RBFOX3: variants seen among roughly 807,000 people sequenced by gnomAD.
RBFOX3 encodes the protein RNA binding fox-1 homolog 3.
A neutral mutation model predicts 48.7 loss-of-function variants in RBFOX3; 17 were observed. That is an observed-to-expected ratio of 0.35 (90% CI 0.24 to 0.52). The LOEUF is 0.52. Ranked by LOEUF, RBFOX3 falls within the 20% of genes least tolerant of loss-of-function variation. The probability of loss-of-function intolerance (pLI) is 0.94; values close to 1 mark genes in which losing one functional copy is unlikely to be tolerated. For synonymous variants in RBFOX3, 212 were observed against 209.5 expected, an observed-to-expected ratio of 1.01 and a Z score of -0.10; for missense variants, 382 against 497.5, an observed-to-expected ratio of 0.77 and a Z score of 2.21.
chr17:79,575,257 G>A (rs1042475546), intron 1 of RBFOX3, among the ~76,000 whole-genome samples: 47 of 152,336 alleles, frequency 3.1e-4, no homozygotes, highest in Middle Eastern at 6.8e-3. Context: ...ATGAAACGCT[G>A]TGAGGGCATG....
chr17:79,365,160 T>C (rs11656604), intron 2 of RBFOX3, among the ~76,000 whole-genome samples: 120,118 of 152,008 alleles, frequency 0.79, 48,456 homozygotes, highest in Non-Finnish European at 0.87. Flanking sequence ...CTCATGCACA[T>C]GCACACGGTA....
At chr17:79,231,291 T>C (rs2061008935) in intron 4 of RBFOX3, among the ~76,000 whole-genome samples, 1 of 152,070 alleles carries the variant, frequency 6.6e-6, no homozygotes, top group Admixed American at 6.5e-5. Flanking sequence ...CCACCCAAGG[T>C]TGAGGCGAGA....
intron 2 of RBFOX3, among the ~76,000 whole-genome samples, chr17:79,384,672 C>T (rs2060342411): frequency 6.6e-6 from 1 of 152,220 alleles, no homozygotes; most frequent in African/African-American, 2.4e-5. Context: ...TCGGGAAGTC[C>T]ACAGACGGCC....
intron 2 of RBFOX3, among the ~76,000 whole-genome samples, chr17:79,334,985 C>A (rs2080971115): frequency 6.6e-6 from 1 of 152,236 alleles, no homozygotes; most frequent in African/African-American, 2.4e-5. Flanking sequence ...TGCCAGGGAA[C>A]CCTCTCTTAC....
intron 6 of RBFOX3, among the ~76,000 whole-genome samples, chr17:79,104,872 C>G (rs1047586390): frequency 6.6e-6 from 1 of 150,990 alleles, no homozygotes; most frequent in East Asian, 2.0e-4. Context: ...CCCAGGCCCC[C>G]GGGACCCTGC....
chr17:79,415,975 T>G (rs1245560608), intron 2 of RBFOX3, among the ~76,000 whole-genome samples: 6 of 152,118 alleles, frequency 3.9e-5, no homozygotes, highest in African/African-American at 1.4e-4. Context: ...CCCTCTCCAC[T>G]GACATGGGCC....
intron 4 of RBFOX3, among the ~76,000 whole-genome samples, chr17:79,174,342 T>C (rs1296274910): frequency 6.9e-6 from 1 of 145,542 alleles, no homozygotes; most frequent in East Asian, 2.1e-4. Context: ...ACGCACACAA[T>C]GCAGCCACAC....
intron 2 of RBFOX3, among the ~76,000 whole-genome samples, chr17:79,445,197 C>T (rs548512849): frequency 7.9e-5 from 12 of 152,272 alleles, no homozygotes; most frequent in Admixed American, 2.6e-4. Flanking sequence ...CTGTGAATGG[C>T]GCTGCTGGGA....
At chr17:79,263,993 CAG>C (rs2066240413) in intron 3 of RBFOX3, among the ~76,000 whole-genome samples, 1 of 151,718 alleles carries the variant, frequency 6.6e-6, no homozygotes, top group African/African-American at 2.4e-5. Context: ...GAACCAGAGG[CAG>C]AGATTGGAGA....
At chr17:79,379,051 T>C (rs2059571122) in intron 2 of RBFOX3, among the ~76,000 whole-genome samples, 2 of 152,262 alleles carry the variant, frequency 1.3e-5, no homozygotes, top group African/African-American at 4.8e-5. Context: ...GATTCTCAAC[T>C]GGGGAAGCTG....
Position 79,392,003 on chromosome 17 carries a change from C to G in RBFOX3, c.-174-84179G>C, listed in dbSNP as rs2061431385. 1.3e-5 allele frequency among the ~76,000 whole-genome samples: 2 copies of G among 152,204 alleles called. No homozygotes were observed. The highest frequency in any genetic ancestry group is 1.3e-4 in the Admixed American group (2 of 15,284). On this transcript the variant is annotated intron_variant, in intron 2 of 14. Coordinates refer to ENST00000693108, the MANE Select transcript of RBFOX3 (RefSeq NM_001350451.2). This position sits in a 1 kb window ranked among gnomAD's most constrained non-coding sequence, Gnocchi z 5.0. ...TATGGCAACGCTCCCGCCAGGGCCC[C>G]GCGATGGTCAGGCTTTCTGCCGTCT... is the stretch of plus-strand genomic sequence containing the variant.
At chr17:79,112,691 G>A (rs1327775114) in intron 5 of RBFOX3, among the ~76,000 whole-genome samples, 2 of 152,074 alleles carry the variant, frequency 1.3e-5, no homozygotes, top group Non-Finnish European at 2.9e-5. Context: ...CCAGTGGGGT[G>A]GGTGATGTGG....
At chr17:79,097,770 G>A in intron 9 of RBFOX3, 25 bp from the exon 10 acceptor site, 1 of 1,550,552 alleles carries the variant, frequency 6.4e-7, no homozygotes, top group South Asian at 1.2e-5. Context: ...CAGAGACCTA[G>A]TCACTGCCTT....
chr17:79,489,926 GGA>G (rs1330105928), intron 1 of RBFOX3, among the ~76,000 whole-genome samples: 1 of 152,072 alleles, frequency 6.6e-6, no homozygotes, highest in Non-Finnish European at 1.5e-5. Context: ...GTTTAAAATA[GGA>G]CTCAAACTAA....
chr17:79,486,705 C>A (rs1292835636), intron 1 of RBFOX3, among the ~76,000 whole-genome samples: 3 of 152,190 alleles, frequency 2.0e-5, no homozygotes, highest in Non-Finnish European at 4.4e-5. Flanking sequence ...GGTGGCAGGG[C>A]CCCCAGAAGA....
intron 1 of RBFOX3, among the ~76,000 whole-genome samples, chr17:79,546,246 G>T (rs192245038): frequency 6.6e-6 from 1 of 152,194 alleles, no homozygotes; most frequent in East Asian, 1.9e-4. Context: ...ACCCCAGGAC[G>T]CTCTCCCACC....
chr17:79,442,356 AGGGGGG>A (rs1274041590), intron 2 of RBFOX3, among the ~76,000 whole-genome samples: 1 of 19,786 alleles, frequency 5.1e-5, no homozygotes, highest in Non-Finnish European at 8.5e-5. Flanking sequence ...AGGGAGGAAG[AGGGGGG>A]GAGAGAGAGA....
Position 79,481,369 on chromosome 17 carries a change from T to A in RBFOX3, c.-175+1085A>T, listed in dbSNP as rs934343221. ...GGGCTGCACTGAACCTCATGGGGGT[T>A]TAAGAAAGAATTCACCTGGTGTCTG... On this transcript the variant is annotated intron_variant, in intron 2 of 14. Coordinates refer to ENST00000693108, the MANE Select transcript of RBFOX3 (RefSeq NM_001350451.2). The surrounding 1 kb of genome is among the most constrained non-coding windows in gnomAD (Gnocchi z 5.4). Among the ~76,000 whole-genome samples the A allele has an allele frequency of 2.6e-5, 4 of 152,078 alleles. No homozygotes were observed. Among genetic ancestry groups the A allele is most frequent in the African/African-American group, 9.7e-5 (4 of 41,406 alleles).
intron 2 of RBFOX3, among the ~76,000 whole-genome samples, chr17:79,323,799 T>C (rs1777719363): frequency 6.6e-6 from 1 of 152,274 alleles, no homozygotes; most frequent in Admixed American, 6.5e-5. Context: ...AATGCACCAA[T>C]GCGAGCCCGC....
Sources: allele counts gnomAD v4.1 joint callset (sites outside exome capture counted in the v4.1 genomes callset), GRCh38; gene constraint gnomAD v4.1.1; non-coding constraint Gnocchi (gnomAD v3.1); transcripts MANE v1.5; gene names NCBI Gene and HGNC (gene_info 2026-07-23, HGNC 2026-07-21).